Variants in PFKFB3 observed in about 807,000 individuals in gnomAD.
PFKFB3 encodes 6-phosphofructo-2-kinase/fructose-2,6-bisphosphatase 3.
PFKFB3 carries 33 observed loss-of-function variants against 68.0 expected under a neutral mutation model. That is an observed-to-expected ratio of 0.49 (90% confidence interval 0.37 to 0.65). The LOEUF is 0.65. PFKFB3 is among the 30% of genes least tolerant of loss of function. The probability of loss-of-function intolerance (pLI) is 0.00; values close to 1 mark genes in which losing one functional copy is unlikely to be tolerated. For synonymous variants in PFKFB3, 315 were observed against 288.2 expected, an observed-to-expected ratio of 1.09 and a Z score of -0.94; for missense variants, 586 against 712.2, an observed-to-expected ratio of 0.82 and a Z score of 2.02.
intron 6 of PFKFB3, among the ~76,000 whole-genome samples, chr10:6,218,605 T>A (rs1325934450): frequency 6.6e-6 from 1 of 152,026 alleles, no homozygotes; most frequent in South Asian, 2.1e-4. Flanking sequence ...ATTTTTTTTG[T>A]ATTTTTAGAG....
At chr10:6,206,270 A>C (rs1320475707) in intron 1 of PFKFB3, among the ~76,000 whole-genome samples, 2 of 144,614 alleles carry the variant, frequency 1.4e-5, no homozygotes, top group Non-Finnish European at 3.0e-5. Flanking sequence ...GGTTGGGGGT[A>C]AGGTCATAGA....
Position 6,215,225 on chromosome 10 carries a change from C to T in PFKFB3, c.207C>T (p.Phe69=), listed in dbSNP as rs1564627730. ...LNWIGVPTKV[F]NVGEYRREAV... ...TGTTCTCTTTCCCGTCCACAGTGTTCAACGTCGGGGAGTATCGCCGGGAGG... is the reference window on the plus strand; with the variant it reads ...TGTTCTCTTTCCCGTCCACAGTGTTTAACGTCGGGGAGTATCGCCGGGAGG... The change falls in exon 3 of 15, where the codon TTC becomes TTT. Residue 69 remains phenylalanine (F), a synonymous_variant. Transcript: ENST00000379775. The surrounding 1 kb of genome is among the most constrained non-coding windows in gnomAD (Gnocchi z 4.3). The T allele has an allele frequency of 6.2e-7, 1 of 1,613,648 alleles. No homozygotes were observed. The highest frequency in any genetic ancestry group is 8.5e-7 in the Non-Finnish European group (1 of 1,179,644).
At chr10:6,308,828 CT>C in the PFKFB3 span, among the ~76,000 whole-genome samples, 30 of 152,164 alleles carry the variant, frequency 2.0e-4, no homozygotes, top group Non-Finnish European at 4.0e-4. Flanking sequence ...CTGGAATCCC[CT>C]GGAAAGTCAT....
intron 1 of PFKFB3, among the ~76,000 whole-genome samples, chr10:6,186,234 G>A (rs1842865428): frequency 6.6e-6 from 1 of 152,136 alleles, no homozygotes; most frequent in African/African-American, 2.4e-5. Context: ...GGATGCTTTT[G>A]GCTGTAAGTA....
rs139742104 is a variant in PFKFB3, at chr10:6,230,158, C to T, written c.1516-2737C>T. Among the ~76,000 whole-genome samples, 21 of 152,286 alleles carry T rather than the reference C, an allele frequency of 1.4e-4. No homozygotes were observed. The South Asian group carries it at 2.7e-3, about 20-fold the overall frequency. On this transcript the variant is annotated intron_variant, in intron 14 of 14. Coordinates refer to ENST00000379775, the MANE Select transcript of PFKFB3 (RefSeq NM_004566.4). ...ACATAATAGTGCGTTTGCTAGAATC[C>T]CTCCTGTTCAGCAAAAATACATCCG...
At chr10:6,316,272 G>A in the PFKFB3 span, among the ~76,000 whole-genome samples, 2 of 152,052 alleles carry the variant, frequency 1.3e-5, no homozygotes, top group East Asian at 3.9e-4. Context: ...CTGGGCTGTT[G>A]AGCTGAGGTC....
In PFKFB3 at chr10:6,215,196, A is replaced by G. The variant is rs1328249666; in HGVS notation, c.203-25A>G. 6 of 1,604,310 alleles carry G rather than the reference A, an allele frequency of 3.7e-6. No homozygotes were observed. The highest frequency in any genetic ancestry group is 5.1e-6 in the Non-Finnish European group (6 of 1,171,308). ...GCCCCTTCCTCCTGCTCGATCATCCAGACTGTTCTCTTTCCCGTCCACAGT... is the reference window on the plus strand; with the variant it reads ...GCCCCTTCCTCCTGCTCGATCATCCGGACTGTTCTCTTTCCCGTCCACAGT... On this transcript the variant is annotated intron_variant, in intron 2 of 14. Transcript: ENST00000379775. The surrounding 1 kb of genome is among the most constrained non-coding windows in gnomAD (Gnocchi z 4.3).
the PFKFB3 span, among the ~76,000 whole-genome samples, chr10:6,320,933 G>T: frequency 1.3e-5 from 2 of 152,260 alleles, no homozygotes; most frequent in South Asian, 4.1e-4. Context: ...GTGAATTTCT[G>T]CCCAGTTCTA....
chr10:6,161,105 T>A (rs2131711158), intron 1 of PFKFB3, among the ~76,000 whole-genome samples: 1 of 152,194 alleles, frequency 6.6e-6, no homozygotes, highest in South Asian at 2.1e-4. Flanking sequence ...CCAGCTACTT[T>A]TTGTATTTTT....
intron 1 of PFKFB3, among the ~76,000 whole-genome samples, chr10:6,212,835 A>AT (rs1311222800): frequency 3.3e-5 from 5 of 151,840 alleles, no homozygotes; most frequent in Non-Finnish European, 7.4e-5. Flanking sequence ...CTTTTTAAAG[A>AT]TTTTTTTTAG....
rs1169729991 is a variant in PFKFB3 at position 6,228,133 on chromosome 10, CT to C, written c.1515+1770del. The C allele has an allele frequency of 5.0e-6, 8 of 1,598,884 alleles. No individual in the cohort carries two copies. Among genetic ancestry groups the C allele is most frequent in the Non-Finnish European group, 6.0e-6 (7 of 1,167,640 alleles). ...TGGGCCGGCGTGGGGTTTTTCAGGG[CT>C]TCGTCCCTGCAGATTGCGCCCTGCC... is the stretch of plus-strand genomic sequence containing the variant. On this transcript the variant is annotated intron_variant, in intron 14 of 14. Transcript: ENST00000379775. This position sits in a 1 kb window ranked among gnomAD's most constrained non-coding sequence, Gnocchi z 4.5.
intron 14 of PFKFB3, among the ~76,000 whole-genome samples, chr10:6,244,235 G>GC (rs1218136406): frequency 6.6e-6 from 1 of 152,160 alleles, no homozygotes; most frequent in African/African-American, 2.4e-5. Context: ...CAAATGAAGA[G>GC]CAGACATCAA....
intron 1 of PFKFB3, among the ~76,000 whole-genome samples, chr10:6,184,664 G>A (rs2131802517): frequency 6.6e-6 from 1 of 151,230 alleles, no homozygotes; most frequent in African/African-American, 2.4e-5. Flanking sequence ...AGAGACGGGG[G>A]TTTTACCACG....
the PFKFB3 span, among the ~76,000 whole-genome samples, chr10:6,291,709 G>A: frequency 1.3e-5 from 2 of 152,104 alleles, no homozygotes; most frequent in African/African-American, 4.8e-5. Flanking sequence ...GCTATAGCTC[G>A]TTAAGTATCA....
At chr10:6,245,404 T>TATTATC (rs1846233226) in intron 14 of PFKFB3, among the ~76,000 whole-genome samples, 1 of 148,136 alleles carries the variant, frequency 6.8e-6, no homozygotes, top group African/African-American at 2.5e-5. Flanking sequence ...CTATTTGATT[T>TATTATC]ATTATTATTA....
intron 1 of PFKFB3, among the ~76,000 whole-genome samples, chr10:6,187,873 A>C (rs191965128): frequency 6.6e-6 from 1 of 152,138 alleles, no homozygotes; most frequent in African/African-American, 2.4e-5. Flanking sequence ...AAATAGTGCA[A>C]AGTGTTCCAT....
At chr10:6,145,828 C>T (rs547624661) in intron 1 of PFKFB3, among the ~76,000 whole-genome samples, 1 of 140,276 alleles carries the variant, frequency 7.1e-6, no homozygotes, top group African/African-American at 2.7e-5. Flanking sequence ...CAGAAAGGCC[C>T]GGCTACCTGG....
At chr10:6,245,810 C>G (rs1308682279) in intron 14 of PFKFB3, 2 of 152,188 alleles carry the variant, frequency 1.3e-5, no homozygotes, top group East Asian at 3.8e-4. Context: ...TAGTTGTAAG[C>G]ACTACTGCAC....
At chr10:6,232,036 A>G (rs1845782124) in intron 14 of PFKFB3, among the ~76,000 whole-genome samples, 1 of 152,226 alleles carries the variant, frequency 6.6e-6, no homozygotes. Flanking sequence ...TGGGGTGGGC[A>G]TGGGCCACGG....
Sources: gnomAD v4.1 joint callset for allele counts (sites outside exome capture counted in the v4.1 genomes callset) on GRCh38, gnomAD v4.1.1 for gene constraint, Gnocchi (gnomAD v3.1) non-coding constraint, MANE v1.5 for transcripts, NCBI Gene and HGNC (gene_info 2026-07-23, HGNC 2026-07-21) for gene names.